DPP6: variants seen among roughly 807,000 people sequenced by gnomAD.
DPP6 encodes dipeptidyl peptidase like 6, also known as A-type potassium channel modulatory protein DPP6.
DPP6 carries 69 observed loss-of-function variants against 122.6 expected under a neutral mutation model. The ratio of observed to expected loss-of-function variants is 0.56; its 90% confidence interval spans 0.46 to 0.69. The LOEUF (loss-of-function observed/expected upper bound fraction) is 0.69. Among genes scored for constraint, DPP6 ranks in the 30% least tolerant of loss-of-function variants. The pLI, the probability that DPP6 is intolerant of heterozygous loss-of-function variation, is 0.00. For missense variants in DPP6, 928 were observed against 1,116.9 expected (o/e 0.83, Z 2.41); for synonymous variants, 418 against 433.1 (o/e 0.97, Z 0.43).
upstream of DPP6, among the ~76,000 whole-genome samples, chr7:153,883,268 A>C (rs139593898): frequency 6.6e-6 from 1 of 152,366 alleles, no homozygotes; most frequent in East Asian, 1.9e-4. Context: ...CTGTCTTCAA[A>C]TGGTTCCGAA....
chr7:154,359,331 G>A (rs1162754942), intron 1 of DPP6, among the ~76,000 whole-genome samples: 1 of 152,158 alleles, frequency 6.6e-6, no homozygotes, highest in African/African-American at 2.4e-5. Flanking sequence ...GAGATACAGA[G>A]AAGCACCCCT....
intron 1 of DPP6, among the ~76,000 whole-genome samples, chr7:154,142,475 T>C (rs1437894850): frequency 1.3e-5 from 2 of 152,190 alleles, no homozygotes; most frequent in Non-Finnish European, 2.9e-5. Context: ...TAAACAACTT[T>C]TTTGTTAGGT....
At chr7:154,271,930 G>A (rs191269617) in intron 1 of DPP6, among the ~76,000 whole-genome samples, 1 of 152,338 alleles carries the variant, frequency 6.6e-6, no homozygotes, top group African/African-American at 2.4e-5. Context: ...AAAGATTTAT[G>A]AATGAGATGC....
At chr7:154,774,931 C>T (rs527910626) in intron 10 of DPP6, among the ~76,000 whole-genome samples, 4 of 152,316 alleles carry the variant, frequency 2.6e-5, no homozygotes, top group South Asian at 4.1e-4. Context: ...GGCAGTGTCA[C>T]GGCTGAGGTC....
Position 154,373,081 on chromosome 7 carries a change from T to C in DPP6, c.244-73133T>C, listed in dbSNP as rs145239376. ...CTGCACCATCCGCTTCCTCTCTCGT[T>C]TTCTTTCTTCCTCACATTCTTTCAT... On this transcript the variant is annotated intron_variant, in intron 1 of 25. Transcript: ENST00000377770. 4.4e-3 allele frequency among the ~76,000 whole-genome samples: 672 copies of C among 152,340 alleles called. 2 individuals are homozygous for C. Among genetic ancestry groups the C allele is most frequent in the Non-Finnish European group, 7.3e-3 (500 of 68,034 alleles).
intron 2 of DPP6, among the ~76,000 whole-genome samples, chr7:154,468,299 A>G (rs116427090): frequency 1.3e-3 from 194 of 152,356 alleles, no homozygotes; most frequent in African/African-American, 4.5e-3. Flanking sequence ...GGTTGCGAAG[A>G]GCTGAAGAGA....
chr7:153,817,430 CA>C, the DPP6 span, among the ~76,000 whole-genome samples: 1 of 144,902 alleles, frequency 6.9e-6, no homozygotes, highest in South Asian at 2.4e-4. Flanking sequence ...AAGCTTTTTG[CA>C]AATATATAAA....
intron 1 of DPP6, among the ~76,000 whole-genome samples, chr7:154,326,505 A>G (rs909891389): frequency 2.6e-5 from 4 of 152,182 alleles, no homozygotes; most frequent in African/African-American, 7.2e-5. Flanking sequence ...TGACAACTCT[A>G]CCTGCCACCA....
intron 3 of DPP6, among the ~76,000 whole-genome samples, chr7:154,505,203 C>T (rs901385835): frequency 6.6e-6 from 1 of 152,118 alleles, no homozygotes; most frequent in Non-Finnish European, 1.5e-5. Flanking sequence ...CATACTAATC[C>T]TTGGCTTAAT....
intron 1 of DPP6, among the ~76,000 whole-genome samples, chr7:154,179,002 TTA>T (rs1797946412): frequency 6.6e-6 from 1 of 152,022 alleles, no homozygotes; most frequent in Admixed American, 6.5e-5. Flanking sequence ...CTCCAAAGGG[TTA>T]TGAGTCCCAG....
the DPP6 span, among the ~76,000 whole-genome samples, chr7:153,791,338 A>G: frequency 1.3e-5 from 2 of 151,544 alleles, no homozygotes; most frequent in Non-Finnish European, 2.9e-5. Flanking sequence ...GCACAAATCC[A>G]TACCTATTCA....
chr7:154,119,137 T>A (rs1028402475), intron 1 of DPP6, among the ~76,000 whole-genome samples: 3 of 151,954 alleles, frequency 2.0e-5, no homozygotes, highest in Admixed American at 6.6e-5. Context: ...GATGTGGGAG[T>A]TTCTCAGAAT....
Position 154,486,561 on chromosome 7 carries a change from C to A in DPP6, c.457+11524C>A, listed in dbSNP as rs1429917633. On this transcript the variant is annotated intron_variant, in intron 3 of 25. Coordinates refer to ENST00000377770, the MANE Select transcript of DPP6 (RefSeq NM_130797.4). This position sits in a 1 kb window ranked among gnomAD's most constrained non-coding sequence, Gnocchi z 4.5. The stretch of plus-strand genomic sequence containing the variant: ...CTCTGCTTCAGAAAGTCTCATTAAT[C>A]CTCATGGCTTGACCCAAAATACATT... 1.3e-5 allele frequency among the ~76,000 whole-genome samples: 2 copies of A among 152,176 alleles called. No homozygotes were observed. Among genetic ancestry groups the A allele is most frequent in the Non-Finnish European group, 2.9e-5 (2 of 68,028 alleles).
intron 1 of DPP6, among the ~76,000 whole-genome samples, chr7:154,205,684 A>G (rs1469187519): frequency 1.3e-5 from 2 of 152,100 alleles, no homozygotes; most frequent in African/African-American, 4.8e-5. Flanking sequence ...TCCGGCCTCC[A>G]GGCCCGGAGC....
In DPP6 at chr7:154,241,368, C is replaced by T. The variant is rs115091756; in HGVS notation, c.243+188305C>T. On this transcript the variant is annotated intron_variant, in intron 1 of 25. Coordinates refer to ENST00000377770, the MANE Select transcript of DPP6 (RefSeq NM_130797.4). This position sits in a 1 kb window ranked among gnomAD's most constrained non-coding sequence, Gnocchi z 9.0. ...TGTGTTTCCCTGTTTTATCCAAATT[C>T]TCAGTGTTTTTAAAGATCCCATTCT... 6.1e-3 allele frequency among the ~76,000 whole-genome samples: 927 copies of T among 152,100 alleles called. 4 individuals carry two copies. The highest frequency in any genetic ancestry group is 0.021 in the African/African-American group (864 of 41,472).
chr7:154,820,476 T>C (rs780874275), intron 16 of DPP6, among the ~76,000 whole-genome samples: 1 of 152,236 alleles, frequency 6.6e-6, no homozygotes, highest in Admixed American at 6.5e-5. Context: ...AATACCCCAG[T>C]TGCCCCCAAA....
chr7:154,163,565 A>G (rs1488025306), intron 1 of DPP6, among the ~76,000 whole-genome samples: 1 of 152,166 alleles, frequency 6.6e-6, no homozygotes, highest in African/African-American at 2.4e-5. Context: ...ATGTATACGC[A>G]CTGTAGTTCA....
At chr7:154,459,347 C>T (rs1452914406) in intron 2 of DPP6, among the ~76,000 whole-genome samples, 1 of 152,152 alleles carries the variant, frequency 6.6e-6, no homozygotes, top group East Asian at 1.9e-4. Flanking sequence ...CACACTACAC[C>T]TGTGTTTACA....
chr7:153,850,849 G>A, the DPP6 span, among the ~76,000 whole-genome samples: 5 of 152,116 alleles, frequency 3.3e-5, no homozygotes, highest in African/African-American at 9.7e-5. Flanking sequence ...GACACATGGG[G>A]CTTATTAGAA....
Sources: gnomAD v4.1 joint callset for allele counts (sites outside exome capture counted in the v4.1 genomes callset) on GRCh38, gnomAD v4.1.1 for gene constraint, Gnocchi (gnomAD v3.1) non-coding constraint, MANE v1.5 for transcripts, NCBI Gene and HGNC (gene_info 2026-07-23, HGNC 2026-07-21) for gene names.